The following AKAP6 variants were observed in gnomAD, a reference collection of about 807,000 sequenced individuals.
AKAP6 encodes the protein A-kinase anchor protein 6.
A neutral mutation model predicts 188.5 loss-of-function variants in AKAP6; 58 were observed. The observed-to-expected ratio is 0.31, with a 90% CI of 0.25 to 0.38. AKAP6 has a LOEUF of 0.38. AKAP6 is among the 10% of genes least tolerant of loss of function. The pLI is 1.00. For missense variants in AKAP6, 2,710 were observed against 2,740.0 expected, an observed-to-expected ratio of 0.99 and a Z score of 0.24; for synonymous variants, 989 against 998.6, an observed-to-expected ratio of 0.99 and a Z score of 0.18.
Position 32,546,028 on chromosome 14 carries a change from T to A in AKAP6, c.1375T>A (p.Leu459Ile), listed in dbSNP as rs776923297. 3.1e-6 allele frequency: 5 copies of A among 1,613,996 alleles called. No individual in the cohort carries two copies. In the African/African-American group the frequency reaches 6.7e-5, roughly 22 times the overall value. The change falls in exon 4 of 14, where the codon TTA (leucine) becomes ATA (isoleucine). Residue 459 changes from leucine to isoleucine, a missense_variant. By Grantham distance (5) the Leu-to-Ile change is conservative (BLOSUM62 2). Around this residue, in one of 2 missense-constraint regions of AKAP6, gnomAD observed 2,473 missense variants for 2,426.1 expected, o/e 1.02. Coordinates refer to ENST00000280979, the MANE Select transcript of AKAP6 (RefSeq NM_004274.5). Reference protein sequence around the residue: ...PSAASQSYECLHKVGNGNLEN... With the variant: ...PSAASQSYECIHKVGNGNLEN... Reference sequence around the variant, plus strand: ...TGCTGCCAGCCAGTCTTATGAGTGTTTACACAAGGTGGGGAATGGGAACCT... The same window carrying A: ...TGCTGCCAGCCAGTCTTATGAGTGTATACACAAGGTGGGGAATGGGAACCT...
chr14:32,808,680 C>T (rs941824917), intron 12 of AKAP6, among the ~76,000 whole-genome samples: 2 of 151,910 alleles, frequency 1.3e-5, no homozygotes, highest in Admixed American at 6.6e-5. Flanking sequence ...GCAATTCTTC[C>T]GTTTTTTTTC....
intron 1 of AKAP6, among the ~76,000 whole-genome samples, chr14:32,351,352 C>T (rs907143017): frequency 4.6e-5 from 7 of 152,090 alleles, no homozygotes; most frequent in African/African-American, 1.7e-4. Context: ...CACCCGAGGT[C>T]GGGAGTTCCA....
At chr14:32,449,689 A>G (rs1278945810) in intron 2 of AKAP6, among the ~76,000 whole-genome samples, 4 of 152,188 alleles carry the variant, frequency 2.6e-5, no homozygotes. Context: ...TGGCCTGAGG[A>G]CTGATAATCT....
chr14:32,535,166 A>G (rs1186575664), intron 2 of AKAP6, among the ~76,000 whole-genome samples: 1 of 152,114 alleles, frequency 6.6e-6, no homozygotes, highest in African/African-American at 2.4e-5. Context: ...CTAACCTGAA[A>G]TATTGTGTGC....
At chr14:32,620,739 G>A (rs949377979) in intron 7 of AKAP6, among the ~76,000 whole-genome samples, 2 of 151,786 alleles carry the variant, frequency 1.3e-5, no homozygotes, top group African/African-American at 4.8e-5. Flanking sequence ...ATAGGATTGT[G>A]ACCAGTTCTT....
chr14:32,330,743 T>TG (rs1373804194), intron 1 of AKAP6, among the ~76,000 whole-genome samples: 1 of 133,692 alleles, frequency 7.5e-6, no homozygotes, highest in African/African-American at 2.8e-5. Flanking sequence ...TTTTTTTTTT[T>TG]GCACAGAGTT....
chr14:32,430,708 C>T (rs868044234), intron 1 of AKAP6, among the ~76,000 whole-genome samples: 1 of 152,140 alleles, frequency 6.6e-6, no homozygotes, highest in African/African-American at 2.4e-5. Flanking sequence ...AAGTTCTTGA[C>T]CTAGAAACCT....
chr14:32,354,278 A>G (rs1887403824), intron 1 of AKAP6, among the ~76,000 whole-genome samples: 1 of 151,758 alleles, frequency 6.6e-6, no homozygotes, highest in East Asian at 1.9e-4. Flanking sequence ...TCAATGGAAC[A>G]GAACAGAGCC....
intron 2 of AKAP6, among the ~76,000 whole-genome samples, chr14:32,434,817 G>A (rs186268053): frequency 6.6e-6 from 1 of 152,316 alleles, no homozygotes; most frequent in African/African-American, 2.4e-5. Context: ...TTCTCAGGCT[G>A]GTTCAGCAGA....
chr14:32,830,838 G>A lies in AKAP6; in HGVS notation c.*1033G>A, dbSNP rs936407310. 3.3e-5 allele frequency: 5 copies of A among 152,690 alleles called. No homozygotes were observed. Among genetic ancestry groups the A allele is most frequent in the South Asian group, 2.1e-4 (1 of 4,828 alleles). The allele number at this position is 152,690 out of a possible 1,614,324, so 9.5% of individuals were successfully genotyped here. A position where few individuals can be genotyped will look rare whatever the true frequency, so the allele number is the denominator to read the frequency against. ...GAAAATTAGTGATCTCTTCTACTAT[G>A]TTCTTTACCAAATTGTTGCATCTGG... is the stretch of plus-strand genomic sequence containing the variant. On this transcript the variant is annotated 3_prime_UTR_variant, in exon 14 of 14. Coordinates refer to ENST00000280979, the MANE Select transcript of AKAP6 (RefSeq NM_004274.5).
At chr14:32,772,508 C>T (rs1438193298) in intron 11 of AKAP6, among the ~76,000 whole-genome samples, 1 of 151,984 alleles carries the variant, frequency 6.6e-6, no homozygotes, top group East Asian at 1.9e-4. Context: ...AATAGAATTC[C>T]AGCCATTACT....
chr14:32,399,136 G>A (rs770140740), intron 1 of AKAP6, among the ~76,000 whole-genome samples: 3 of 152,040 alleles, frequency 2.0e-5, no homozygotes, highest in Non-Finnish European at 4.4e-5. Flanking sequence ...TTACAGGCGT[G>A]AGCCACTGTG....
At position 32,685,520 on chromosome 14, in the gene AKAP6, C is replaced by T. The variant is rs189664318; in HGVS notation, c.2879+7061C>T. 2.1e-3 allele frequency among the ~76,000 whole-genome samples: 325 copies of T among 151,848 alleles called. 9 individuals carry two copies. The East Asian group carries it at 0.053, about 25-fold the overall frequency. On this transcript the variant is annotated intron_variant, in intron 8 of 13. Coordinates refer to ENST00000280979, the MANE Select transcript of AKAP6 (RefSeq NM_004274.5). ...CGGGCGGATCACGAGGTCAGGAGAT[C>T]GAGACCATCCTGGCCAACATGGTGA...
At chr14:32,713,556 G>A (rs1360322761) in intron 9 of AKAP6, among the ~76,000 whole-genome samples, 1 of 151,950 alleles carries the variant, frequency 6.6e-6, no homozygotes, top group Non-Finnish European at 1.5e-5. Context: ...TAGATCTTCT[G>A]GAGAACTTGC....
intron 9 of AKAP6, among the ~76,000 whole-genome samples, chr14:32,727,664 G>T (rs1396593355): frequency 2.6e-5 from 4 of 152,278 alleles, no homozygotes; most frequent in Admixed American, 2.6e-4. Flanking sequence ...GCGAGTTCTG[G>T]CAATTTTAAA....
intron 3 of AKAP6, among the ~76,000 whole-genome samples, chr14:32,541,509 G>A (rs1407589454): frequency 1.3e-5 from 2 of 152,030 alleles, no homozygotes; most frequent in Non-Finnish European, 2.9e-5. Context: ...TGACACTTCA[G>A]TTTGGAGTCT....
intron 9 of AKAP6, among the ~76,000 whole-genome samples, chr14:32,722,622 A>G (rs2030607389): frequency 6.6e-6 from 1 of 152,180 alleles, no homozygotes; most frequent in Non-Finnish European, 1.5e-5. Context: ...AGGAGAGAAG[A>G]GAAGTGTCTG....
intron 9 of AKAP6, among the ~76,000 whole-genome samples, chr14:32,727,329 T>C (rs188314806): frequency 6.6e-6 from 1 of 152,302 alleles, no homozygotes; most frequent in Non-Finnish European, 1.5e-5. Flanking sequence ...TCTAGCTATA[T>C]TTATTTTTAA....
chr14:32,466,827 TTATATA>T (rs776142584), intron 2 of AKAP6, among the ~76,000 whole-genome samples: 1 of 115,116 alleles, frequency 8.7e-6, no homozygotes, highest in African/African-American at 5.0e-5. Flanking sequence ...AAAAACAAGA[TTATATA>T]TATATATATA....
Sources: gnomAD v4.1 joint callset for allele counts (sites outside exome capture counted in the v4.1 genomes callset) on GRCh38, gnomAD v4.1.1 for gene constraint, gnomAD v4.1.1 regional missense constraint, MANE v1.5 for transcripts, NCBI Gene and HGNC (gene_info 2026-07-23, HGNC 2026-07-21) for gene names.